The following DUOX1 variants were observed in gnomAD, a reference collection of about 807,000 sequenced individuals.
DUOX1 encodes NADPH thyroid oxidase 1.
A neutral mutation model predicts 181.8 loss-of-function variants in DUOX1; 134 were observed. The ratio of observed to expected loss-of-function variants is 0.74; its 90% CI spans 0.64 to 0.85. The LOEUF (loss-of-function observed/expected upper bound fraction) is 0.85. Among genes scored for constraint, DUOX1 ranks in the 40% least tolerant of loss-of-function variants. DUOX1 has a pLI of 0.00. For synonymous variants in DUOX1, 798 were observed against 832.5 expected (o/e 0.96, Z 0.71); for missense variants, 1,814 against 2,064.4 (o/e 0.88, Z 2.35).
At position 45,152,382 on chromosome 15, in the gene DUOX1, T is replaced by G; in HGVS notation, c.3290T>G (p.Phe1097Cys). Residue 1097 changes from phenylalanine (F) to cysteine (C), a missense_variant, in exon 25 of 34, where the codon TTC becomes TGC. Coordinates refer to ENST00000389037, the MANE Select transcript of DUOX1 (RefSeq NM_175940.3). ...ACAGCAGCCAGCATCTCTTTCATGT[T>G]CTCCTACATCTTGCTCACCATGTGC... ...RGTAASISFM[F>C]SYILLTMCRN... 6.2e-7 allele frequency: 1 copy of G among 1,614,194 alleles called. No homozygotes were observed. Among genetic ancestry groups the G allele is most frequent in the Non-Finnish European group, 8.5e-7 (1 of 1,180,022 alleles).
At chr15:45,149,364 C>T (rs1896747290) in intron 21 of DUOX1, among the ~76,000 whole-genome samples, 1 of 152,170 alleles carries the variant, frequency 6.6e-6, no homozygotes, top group Non-Finnish European at 1.5e-5. Context: ...GCAGCAGGCA[C>T]CTGAGCCTAA....
chr15:45,156,538 T>A (rs1472502531), intron 28 of DUOX1, among the ~76,000 whole-genome samples: 1 of 152,184 alleles, frequency 6.6e-6, no homozygotes, highest in Non-Finnish European at 1.5e-5. Flanking sequence ...GTTCAAGCAA[T>A]TCTCCTGTCT....
intron 29 of DUOX1, 139 bp from the exon 30 acceptor site, chr15:45,161,599 A>T: frequency 1.3e-6 from 1 of 759,350 alleles, no homozygotes; most frequent in Non-Finnish European, 2.2e-6. Context: ...CTGGGCCCCC[A>T]CAGGGTGAGC....
At chr15:45,153,823 G>A in intron 26 of DUOX1, 128 bp from the exon 27 acceptor site, 3 of 822,230 alleles carry the variant, frequency 3.6e-6, no homozygotes, top group South Asian at 3.1e-5. Flanking sequence ...GGAGGTGGAG[G>A]TTGCAGTGAG....
chr15:45,152,660 A>G, intron 25 of DUOX1, 144 bp downstream of exon 25: 1 of 818,402 alleles, frequency 1.2e-6, no homozygotes, highest in Non-Finnish European at 2.0e-6. Flanking sequence ...CAGGGTGTGA[A>G]GTAAGCCCGG....
At chr15:45,142,237 T>G in intron 15 of DUOX1, 125 bp downstream of exon 15, 1 of 1,147,876 alleles carries the variant, frequency 8.7e-7, no homozygotes, top group Non-Finnish European at 1.2e-6. Context: ...GGTAGGAGAA[T>G]GAAACATTAG....
At chr15:45,157,069 G>C (rs1896985869) in intron 28 of DUOX1, among the ~76,000 whole-genome samples, 1 of 152,166 alleles carries the variant, frequency 6.6e-6, no homozygotes, top group African/African-American at 2.4e-5. Context: ...CTGCACCATG[G>C]CCTCGGTCAG....
In DUOX1 at chr15:45,139,556, G is replaced by A. The variant is rs149693969; in HGVS notation, c.1346G>A (p.Arg449His). ...GCACTGGGCTTGTCTCCCATTACCC[G>A]CTGGCAGGACATCAACCCTGCACTC... Reference protein sequence around the residue: ...RAALGLSPITRWQDINPALSR... With the variant: ...RAALGLSPITHWQDINPALSR... Residue 449 changes from arginine to histidine, a missense_variant, in exon 12 of 34, where the codon CGC becomes CAC. Physicochemically the swap from Arg to His is conservative, Grantham distance 29. Around this residue, in one of 5 missense-constraint regions of DUOX1, gnomAD observed 1,064 missense variants for 1,152.9 expected, o/e 0.92. Transcript: ENST00000389037. The A allele has an allele frequency of 4.6e-5, 74 of 1,610,948 alleles. 1 individual carries two copies. In the African/African-American group the frequency reaches 7.5e-4, roughly 16 times the overall value.
chr15:45,143,905 C>T (rs1175589958), intron 16 of DUOX1, 131 bp from the exon 17 acceptor site: 15 of 815,448 alleles, frequency 1.8e-5, no homozygotes, highest in African/African-American at 5.1e-5. Context: ...GAGGGAATGA[C>T]TCTCAGTACC....
At chr15:45,130,234 C>G (rs1342614487) in intron 1 of DUOX1, 136 bp downstream of exon 1, 1 of 152,258 alleles carries the variant, frequency 6.6e-6, no homozygotes, top group African/African-American at 2.4e-5. Flanking sequence ...CCTGCGCCTC[C>G]GATCTTATCC....
chr15:45,135,351 G>C (rs1249881069), intron 5 of DUOX1, 60 bp downstream of exon 5: 124 of 1,503,198 alleles, frequency 8.2e-5, no homozygotes, highest in Non-Finnish European at 7.2e-5. Flanking sequence ...CCTGGGCTTC[G>C]GGCCTGGCAG....
chr15:45,162,062 CCT>C, intron 30 of DUOX1, 92 bp downstream of exon 30: 1 of 1,461,760 alleles, frequency 6.8e-7, no homozygotes, highest in Non-Finnish European at 9.4e-7. Flanking sequence ...CTGTGCCTCC[CCT>C]CTCTGCATCT....
In DUOX1 at chr15:45,134,150, C is replaced by T. The variant is rs182081705; in HGVS notation, c.148C>T (p.Arg50Trp). The T allele has an allele frequency of 7.3e-5, 113 of 1,552,946 alleles. No homozygotes were observed. Among genetic ancestry groups the T allele is most frequent in the Admixed American group, 3.0e-4 (14 of 47,422 alleles). ...MEHRWGSKGS[R>W]LQRLVPASYA... ...CCTTACCCCTCCTACCCCAGGCTCC[C>T]GGCTGCAGCGCCTGGTCCCAGCCAG... The change falls in exon 4 of 34, where the codon CGG becomes TGG. Residue 50 changes from arginine to tryptophan, a missense_variant. By Grantham distance (101) the Arg-to-Trp change is moderately radical. Around this residue, in one of 5 missense-constraint regions of DUOX1, gnomAD observed 320 missense variants for 313.1 expected, o/e 1.02. Coordinates refer to ENST00000389037, the MANE Select transcript of DUOX1 (RefSeq NM_175940.3).
chr15:45,144,861 C>G (rs755191700), intron 17 of DUOX1, 34 bp from the exon 18 acceptor site: 1 of 1,571,734 alleles, frequency 6.4e-7, no homozygotes, highest in Middle Eastern at 2.2e-4. Context: ...GAGGCCTTGG[C>G]AAATGGTTGC....
chr15:45,143,929 A>G, intron 16 of DUOX1, 107 bp from the exon 17 acceptor site: 1 of 1,078,754 alleles, frequency 9.3e-7, no homozygotes. Context: ...GAAGGGGACA[A>G]TGAACTGTGG....
intron 27 of DUOX1, among the ~76,000 whole-genome samples, chr15:45,154,611 T>TA (rs1595592678): frequency 6.7e-6 from 1 of 149,756 alleles, no homozygotes; most frequent in South Asian, 2.1e-4. Flanking sequence ...TTTTTTTTTT[T>TA]AATCCTAAAA....
intron 21 of DUOX1, among the ~76,000 whole-genome samples, chr15:45,149,967 ATTTAAT>A (rs1241035396): frequency 6.6e-6 from 1 of 152,238 alleles, no homozygotes; most frequent in East Asian, 1.9e-4. Flanking sequence ...AAACATTCTG[ATTTAAT>A]TTTAATATAG....
intron 16 of DUOX1, 70 bp downstream of exon 16, chr15:45,143,373 C>A: frequency 1.6e-6 from 2 of 1,275,836 alleles, no homozygotes; most frequent in East Asian, 2.4e-5. Context: ...CCACCTCCAC[C>A]CCAGCAGCCT....
rs1896437424 is a variant in DUOX1 at position 45,139,551 on chromosome 15, T to C, written c.1341T>C (p.Ile447=). The C allele has an allele frequency of 6.2e-7, 1 of 1,611,796 alleles. No homozygotes were observed. The highest frequency in any genetic ancestry group is 1.7e-5 in the Admixed American group (1 of 59,492). Residue 447 remains isoleucine (I), a synonymous_variant, in exon 12 of 34, where the codon ATT becomes ATC. Coordinates refer to ENST00000389037, the MANE Select transcript of DUOX1 (RefSeq NM_175940.3). ...KARAALGLSP[I]TRWQDINPAL... is the part of the protein sequence containing the mutation. Reference sequence around the variant, plus strand: ...GGGCAGCACTGGGCTTGTCTCCCATTACCCGCTGGCAGGACATCAACCCTG... The same window carrying C: ...GGGCAGCACTGGGCTTGTCTCCCATCACCCGCTGGCAGGACATCAACCCTG...
Sources: allele counts gnomAD v4.1 joint callset (sites outside exome capture counted in the v4.1 genomes callset), GRCh38; gene constraint gnomAD v4.1.1; regional missense constraint gnomAD v4.1.1; transcripts MANE v1.5; gene names NCBI Gene and HGNC (gene_info 2026-07-23, HGNC 2026-07-21).